The following SDK1 variants were observed in gnomAD, a reference collection of about 807,000 sequenced individuals.
SDK1 encodes the protein sidekick cell adhesion molecule 1, also known as protein sidekick-1.
In SDK1, 157 loss-of-function variants were observed where a neutral mutation model predicts 245.5. That is an observed-to-expected ratio of 0.64 (90% CI 0.56 to 0.73). SDK1 has a LOEUF of 0.73. Ranked by LOEUF, SDK1 falls within the 30% of genes least tolerant of loss-of-function variation. SDK1 has a pLI of 0.00. For synonymous variants in SDK1, 1,647 were observed against 1,278.5 expected, an observed-to-expected ratio of 1.29 and a Z score of -6.15; for missense variants, 3,583 against 3,002.3, an observed-to-expected ratio of 1.19 and a Z score of -4.52.
chr7:3,586,949 CA>C (rs1248447364), intron 1 of SDK1, among the ~76,000 whole-genome samples: 1 of 152,070 alleles, frequency 6.6e-6, no homozygotes, highest in East Asian at 1.9e-4. Flanking sequence ...GTTGAGAGTG[CA>C]TACAGAGTGA....
At chr7:3,499,064 T>A (rs1226039573) in intron 1 of SDK1, among the ~76,000 whole-genome samples, 2 of 152,254 alleles carry the variant, frequency 1.3e-5, no homozygotes, top group Admixed American at 6.5e-5. Context: ...CATATCACAC[T>A]GTAATACAAA....
chr7:3,584,824 C>G (rs941995067), intron 1 of SDK1, among the ~76,000 whole-genome samples: 2 of 151,658 alleles, frequency 1.3e-5, no homozygotes, highest in African/African-American at 2.4e-5. Flanking sequence ...CCCGGGTTCA[C>G]GCCGTTCTGC....
At chr7:3,369,163 G>A (rs1781162635) in intron 1 of SDK1, among the ~76,000 whole-genome samples, 2 of 151,990 alleles carry the variant, frequency 1.3e-5, no homozygotes, top group Non-Finnish European at 2.9e-5. Context: ...TCATGCCTCA[G>A]TTTCCTTAGT....
intron 5 of SDK1, among the ~76,000 whole-genome samples, chr7:3,899,745 C>T (rs1327872925): frequency 2.0e-5 from 3 of 152,318 alleles, no homozygotes; most frequent in South Asian, 4.1e-4. Flanking sequence ...GCATCTCTCT[C>T]CCCAGATGTC....
At chr7:4,079,353 G>C in intron 21 of SDK1, 110 bp from the exon 22 acceptor site, 1 of 1,262,718 alleles carries the variant, frequency 7.9e-7, no homozygotes, top group East Asian at 2.4e-5. Flanking sequence ...ATCCTTTTTT[G>C]GTATAGAATC....
chr7:4,171,103 G>C (rs904949783), intron 32 of SDK1, among the ~76,000 whole-genome samples: 2 of 152,168 alleles, frequency 1.3e-5, no homozygotes, highest in Non-Finnish European at 2.9e-5. Flanking sequence ...AAGTTGAGTA[G>C]TGCTGGGAAC....
chr7:4,127,477 G>C lies in SDK1; in HGVS notation c.3920G>C (p.Gly1307Ala). The C allele has an allele frequency of 6.2e-7, 1 of 1,613,126 alleles. No homozygotes were observed. The highest frequency in any genetic ancestry group is 8.5e-7 in the Non-Finnish European group (1 of 1,179,086). The change falls in exon 26 of 45, where the codon GGG becomes GCG. Residue 1307 changes from glycine (G) to alanine (A), a missense_variant. Gly to Ala is a moderately conservative substitution (Grantham distance 60). Transcript: ENST00000404826. ...WTSVPEQDQN[G>A]LILGYKILFR... ...TCCGTGCCGGAACAGGACCAGAATG[G>C]GCTCATACTGGGCTACAAGGTGTGT...
chr7:4,234,903 A>G (rs961230379), intron 41 of SDK1, among the ~76,000 whole-genome samples: 1 of 152,224 alleles, frequency 6.6e-6, no homozygotes, highest in Non-Finnish European at 1.5e-5. Context: ...AGCCCCAGGT[A>G]GGGCCAGCTC....
intron 1 of SDK1, among the ~76,000 whole-genome samples, chr7:3,454,819 A>T (rs1780623921): frequency 1.3e-5 from 2 of 152,166 alleles, no homozygotes; most frequent in Admixed American, 1.3e-4. Flanking sequence ...TTGTGCAGAC[A>T]TCACTTTCCA....
intron 14 of SDK1, among the ~76,000 whole-genome samples, chr7:3,997,094 C>G (rs1784740757): frequency 6.6e-6 from 1 of 152,096 alleles, no homozygotes; most frequent in South Asian, 2.1e-4. Flanking sequence ...TCAGTCTAAC[C>G]CCTTCTTCTG....
rs558552929 is a variant in SDK1 at position 3,719,806 on chromosome 7, G to A, written c.713+77701G>A. 1.5e-3 allele frequency among the ~76,000 whole-genome samples: 233 copies of A among 151,906 alleles called. 2 individuals are homozygous for A. The highest frequency in any genetic ancestry group is 0.011 in the South Asian group (51 of 4,804). Reference sequence around the variant, plus strand: ...ATCCTGGCCAACATGGTGAAACCCCGTCTCTACTAAAACTACAAAAATTAG... The same window carrying A: ...ATCCTGGCCAACATGGTGAAACCCCATCTCTACTAAAACTACAAAAATTAG... On this transcript the variant is annotated intron_variant, in intron 4 of 44. Transcript: ENST00000404826.
intron 44 of SDK1, among the ~76,000 whole-genome samples, chr7:4,257,221 C>T (rs988224508): frequency 1.3e-5 from 2 of 152,220 alleles, no homozygotes; most frequent in African/African-American, 4.8e-5. Flanking sequence ...ATCTTGCCAA[C>T]GTAATACCCA....
chr7:3,915,721 A>G (rs1779352345), intron 5 of SDK1, among the ~76,000 whole-genome samples: 1 of 152,138 alleles, frequency 6.6e-6, no homozygotes, highest in Admixed American at 6.5e-5. Context: ...GCTGACTCCA[A>G]GTTGTCATGG....
chr7:3,492,537 T>C (rs928594201), intron 1 of SDK1, among the ~76,000 whole-genome samples: 5 of 152,186 alleles, frequency 3.3e-5, no homozygotes, highest in African/African-American at 1.2e-4. Context: ...CTGACGGATG[T>C]CAGTGAAATT....
chr7:3,495,402 C>A (rs1225693451), intron 1 of SDK1, among the ~76,000 whole-genome samples: 1 of 151,872 alleles, frequency 6.6e-6, no homozygotes, highest in African/African-American at 2.4e-5. Context: ...GGATTACAGC[C>A]TGTGTGACGC....
intron 1 of SDK1, among the ~76,000 whole-genome samples, chr7:3,455,466 C>A (rs1780639701): frequency 6.7e-6 from 1 of 150,284 alleles, no homozygotes; most frequent in South Asian, 2.1e-4. Flanking sequence ...AAATGTGAGA[C>A]TTGGGTGGAG....
At chr7:3,428,917 G>T (rs772558781) in intron 1 of SDK1, among the ~76,000 whole-genome samples, 7 of 152,206 alleles carry the variant, frequency 4.6e-5, no homozygotes, top group Non-Finnish European at 1.5e-5. Context: ...GAGATACTCT[G>T]CTTAGGATGA....
At position 3,891,334 on chromosome 7, in the gene SDK1, C is replaced by G. The variant is rs559468171; in HGVS notation, c.848-59589C>G. Among the ~76,000 whole-genome samples, 38 of 152,264 alleles carry G rather than the reference C, an allele frequency of 2.5e-4. 1 individual carries two copies. The highest frequency in any genetic ancestry group is 8.7e-4 in the African/African-American group (36 of 41,560). On this transcript the variant is annotated intron_variant, in intron 5 of 44. Coordinates refer to ENST00000404826, the MANE Select transcript of SDK1 (RefSeq NM_152744.4). ...GAATCTGCCCTCTGCCAGGTGCACT[C>G]TTCTGTCATCCTCCATGGCTACCTC... is the stretch of plus-strand genomic sequence containing the variant.
rs939900040 is a variant in SDK1 at position 3,412,553 on chromosome 7, C to G, written c.298+110669C>G. 2.0e-5 allele frequency among the ~76,000 whole-genome samples: 3 copies of G among 152,288 alleles called. No homozygotes were observed. The East Asian group carries it at 5.8e-4, about 29-fold the overall frequency. ...TTCATGGACATTATAACCTTTTGCTCTTACGCAGAGTGCTGCAAAGTGAGC... is the reference window on the plus strand; with the variant it reads ...TTCATGGACATTATAACCTTTTGCTGTTACGCAGAGTGCTGCAAAGTGAGC... On this transcript the variant is annotated intron_variant, in intron 1 of 44. Coordinates refer to ENST00000404826, the MANE Select transcript of SDK1 (RefSeq NM_152744.4).
Sources: allele counts gnomAD v4.1 joint callset (sites outside exome capture counted in the v4.1 genomes callset), GRCh38; gene constraint gnomAD v4.1.1; transcripts MANE v1.5; gene names NCBI Gene and HGNC (gene_info 2026-07-23, HGNC 2026-07-21).